Variants in JAZF1 observed in about 807,000 individuals in gnomAD.
The protein encoded by JAZF1 is juxtaposed with another zinc finger protein 1.
A neutral mutation model predicts 26.4 loss-of-function variants in JAZF1; 8 were observed. That is an observed-to-expected ratio of 0.30 (90% confidence interval 0.18 to 0.55). The LOEUF is 0.55. JAZF1 is among the 20% of genes least tolerant of loss of function. The probability of loss-of-function intolerance (pLI) is 0.94; values close to 1 mark genes in which losing one functional copy is unlikely to be tolerated. For missense variants in JAZF1, 199 were observed against 322.0 expected (o/e 0.62, Z 2.92); for synonymous variants, 126 against 122.3 (o/e 1.03, Z -0.20).
intron 1 of JAZF1, among the ~76,000 whole-genome samples, chr7:28,051,973 G>C (rs1371549528): frequency 6.6e-6 from 1 of 152,134 alleles, no homozygotes; most frequent in Non-Finnish European, 1.5e-5. Context: ...AGAAGCCAAT[G>C]CATAAAATCT....
intron 3 of JAZF1, among the ~76,000 whole-genome samples, chr7:27,849,577 G>A (rs1474995074): frequency 6.6e-6 from 1 of 152,026 alleles, no homozygotes; most frequent in Non-Finnish European, 1.5e-5. Context: ...AGCCGAAAGG[G>A]GCCTCAAGAG....
intron 1 of JAZF1, among the ~76,000 whole-genome samples, chr7:28,118,705 CTCTG>C (rs1784787273): frequency 6.6e-6 from 1 of 151,890 alleles, no homozygotes; most frequent in Admixed American, 6.6e-5. Context: ...GTACACATTA[CTCTG>C]TCATTTGAGG....
chr7:27,980,438 A>G (rs1369159166), intron 2 of JAZF1, among the ~76,000 whole-genome samples: 2 of 152,138 alleles, frequency 1.3e-5, no homozygotes, highest in African/African-American at 2.4e-5. Flanking sequence ...AGTGTAGAGT[A>G]ATTTTAAATA....
At chr7:28,086,934 G>C (rs1056354909) in intron 1 of JAZF1, among the ~76,000 whole-genome samples, 8 of 152,060 alleles carry the variant, frequency 5.3e-5, no homozygotes, top group East Asian at 1.9e-4. Flanking sequence ...ATGTACCCTG[G>C]GAAATTTTCC....
At chr7:27,982,169 G>C (rs924916976) in intron 2 of JAZF1, among the ~76,000 whole-genome samples, 1 of 152,224 alleles carries the variant, frequency 6.6e-6, no homozygotes, top group Non-Finnish European at 1.5e-5. Context: ...CACCCAGGAA[G>C]TGCAAGAGGT....
chr7:28,154,333 G>A (rs189779673), intron 1 of JAZF1, among the ~76,000 whole-genome samples: 1 of 152,348 alleles, frequency 6.6e-6, no homozygotes, highest in East Asian at 1.9e-4. Context: ...GAGGGCCACT[G>A]TCAGGGTCCC....
At chr7:28,076,135 G>A (rs1467970943) in intron 1 of JAZF1, among the ~76,000 whole-genome samples, 1 of 152,208 alleles carries the variant, frequency 6.6e-6, no homozygotes, top group Non-Finnish European at 1.5e-5. Context: ...CATTCTTCAA[G>A]CCAGCTGAAG....
intron 1 of JAZF1, among the ~76,000 whole-genome samples, chr7:28,002,220 A>G (rs995033425): frequency 1.3e-5 from 2 of 152,216 alleles, no homozygotes; most frequent in African/African-American, 4.8e-5. Flanking sequence ...CTGAGAACCT[A>G]CTAGGCCCAG....
intron 1 of JAZF1, among the ~76,000 whole-genome samples, chr7:28,165,761 C>T (rs1309924000): frequency 6.6e-6 from 1 of 152,210 alleles, no homozygotes; most frequent in Non-Finnish European, 1.5e-5. Context: ...CACTTTATCT[C>T]AAACAGGCCT....
chr7:28,097,913 G>C (rs1330467961), intron 1 of JAZF1, among the ~76,000 whole-genome samples: 1 of 152,178 alleles, frequency 6.6e-6, no homozygotes, highest in Non-Finnish European at 1.5e-5. Flanking sequence ...GGGGTGCCCA[G>C]CTCCAGGCTA....
At chr7:27,853,222 C>T (rs1261773783) in intron 3 of JAZF1, among the ~76,000 whole-genome samples, 1 of 152,162 alleles carries the variant, frequency 6.6e-6, no homozygotes, top group Non-Finnish European at 1.5e-5. Context: ...TGCACCTTCC[C>T]TCCTCCCAGA....
At chr7:28,147,650 C>A (rs1322723755) in intron 1 of JAZF1, among the ~76,000 whole-genome samples, 1 of 151,206 alleles carries the variant, frequency 6.6e-6, no homozygotes, top group South Asian at 2.1e-4. Context: ...GAGCTCAAGA[C>A]CAGCCTGGGC....
intron 1 of JAZF1, among the ~76,000 whole-genome samples, chr7:28,034,765 C>T (rs1316947231): frequency 6.6e-6 from 1 of 152,156 alleles, no homozygotes; most frequent in Non-Finnish European, 1.5e-5. Context: ...ACAGAAATGA[C>T]ACCATCATCC....
intron 1 of JAZF1, among the ~76,000 whole-genome samples, chr7:28,001,527 T>G (rs1786162156): frequency 6.6e-6 from 1 of 152,180 alleles, no homozygotes; most frequent in South Asian, 2.1e-4. Flanking sequence ...ACATAAGCCT[T>G]GAACTAAATC....
chr7:28,021,846 G>A (rs911586424), intron 1 of JAZF1, among the ~76,000 whole-genome samples: 1 of 152,248 alleles, frequency 6.6e-6, no homozygotes, highest in Non-Finnish European at 1.5e-5. Flanking sequence ...GTGCAGAGCA[G>A]ACATTCACTG....
intron 1 of JAZF1, among the ~76,000 whole-genome samples, chr7:28,146,864 GTT>G (rs1185605463): frequency 1.5e-5 from 2 of 135,620 alleles, no homozygotes; most frequent in Non-Finnish European, 1.6e-5. Context: ...GTTTTTTTTT[GTT>G]TTTTTTTTTT....
At chr7:27,946,837 C>T (rs943595101) in intron 2 of JAZF1, among the ~76,000 whole-genome samples, 3 of 152,152 alleles carry the variant, frequency 2.0e-5, no homozygotes, top group Non-Finnish European at 2.9e-5. Context: ...TTGTTGTCTA[C>T]GTGTCAGTCC....
At chr7:27,879,982 A>G (rs1242481792) in intron 3 of JAZF1, among the ~76,000 whole-genome samples, 1 of 152,238 alleles carries the variant, frequency 6.6e-6, no homozygotes, top group Non-Finnish European at 1.5e-5. Context: ...ATATAATAGA[A>G]AACACACAGT....
intron 2 of JAZF1, among the ~76,000 whole-genome samples, chr7:27,906,224 GAC>G (rs757499824): frequency 4.6e-5 from 7 of 151,186 alleles, no homozygotes; most frequent in Non-Finnish European, 1.0e-4. Flanking sequence ...CTCACAGCTG[GAC>G]ACACAGAGGG....
Sources: gnomAD v4.1 joint callset for allele counts (sites outside exome capture counted in the v4.1 genomes callset) on GRCh38, gnomAD v4.1.1 for gene constraint, MANE v1.5 for transcripts, NCBI Gene and HGNC (gene_info 2026-07-23, HGNC 2026-07-21) for gene names.